The following DLGAP2 variants were observed in gnomAD, a reference collection of about 807,000 sequenced individuals.
The protein encoded by DLGAP2 is disks large-associated protein 2.
In DLGAP2, 26 loss-of-function variants were observed where a neutral mutation model predicts 100.3. The observed-to-expected ratio is 0.26, with a 90% CI of 0.19 to 0.36. The LOEUF is 0.36. Among genes scored for constraint, DLGAP2 ranks in the 10% least tolerant of loss-of-function variants. The pLI is 1.00. For missense variants in DLGAP2, 1,858 were observed against 1,453.2 expected (o/e 1.28, Z -4.53); for synonymous variants, 886 against 630.1 (o/e 1.41, Z -6.08).
chr8:1,381,676 T>C (rs1796097608), intron 3 of DLGAP2, among the ~76,000 whole-genome samples: 1 of 152,176 alleles, frequency 6.6e-6, no homozygotes, highest in Non-Finnish European at 1.5e-5. Context: ...ACTCAGTGTT[T>C]GCCTTTCTGT....
At chr8:897,936 C>T (rs1050576278) in intron 1 of DLGAP2, among the ~76,000 whole-genome samples, 3 of 152,110 alleles carry the variant, frequency 2.0e-5, no homozygotes, top group South Asian at 2.1e-4. Flanking sequence ...GTGTTCCCTC[C>T]GTTGCTGTCT....
At chr8:1,475,747 G>C (rs898742504) in intron 3 of DLGAP2, among the ~76,000 whole-genome samples, 3 of 152,142 alleles carry the variant, frequency 2.0e-5, no homozygotes, top group African/African-American at 7.2e-5. Context: ...CTCAACAAAA[G>C]GCTTGTCAGA....
rs563508822 is a variant in DLGAP2 at position 913,119 on chromosome 8, A to T, written c.73+5153A>T. Among the ~76,000 whole-genome samples the T allele has an allele frequency of 2.0e-5, 3 of 152,302 alleles. No homozygotes were observed. The East Asian group carries it at 5.8e-4, about 29-fold the overall frequency. The stretch of plus-strand genomic sequence containing the variant: ...TGTGATTTATATTTGGATGTTGAGT[A>T]TATTTGTATTACAAGGTAGGATTTT... On this transcript the variant is annotated intron_variant, in intron 2 of 14. Coordinates refer to ENST00000637795, the MANE Select transcript of DLGAP2 (RefSeq NM_001346810.2).
intron 2 of DLGAP2, among the ~76,000 whole-genome samples, chr8:971,301 C>T (rs1355868006): frequency 2.0e-5 from 3 of 152,152 alleles, no homozygotes; most frequent in Non-Finnish European, 2.9e-5. Context: ...TCTGCTCTGA[C>T]ACATAAGGGC....
At chr8:1,352,550 A>G (rs953750865) in intron 3 of DLGAP2, among the ~76,000 whole-genome samples, 2 of 152,174 alleles carry the variant, frequency 1.3e-5, no homozygotes, top group South Asian at 2.1e-4. Flanking sequence ...AGTGTTTATT[A>G]TAATATCATT....
intron 3 of DLGAP2, among the ~76,000 whole-genome samples, chr8:1,270,700 G>A (rs569662197): frequency 1.4e-5 from 1 of 70,704 alleles, no homozygotes; most frequent in African/African-American, 3.9e-5. Context: ...CTCTGTGTGT[G>A]TCTCTGTGTG....
chr8:1,667,942 C>G (rs1447288269), intron 8 of DLGAP2, among the ~76,000 whole-genome samples: 1 of 151,910 alleles, frequency 6.6e-6, no homozygotes, highest in East Asian at 1.9e-4. Context: ...CTAGGTGTGT[C>G]TCCGCTGCTG....
chr8:1,156,726 C>T (rs866207426), intron 2 of DLGAP2, among the ~76,000 whole-genome samples: 10 of 152,082 alleles, frequency 6.6e-5, no homozygotes, highest in African/African-American at 1.9e-4. Flanking sequence ...CGGCTCAGCA[C>T]CCCAACTCAG....
chr8:1,012,490 C>G, intron 2 of DLGAP2, among the ~76,000 whole-genome samples: 1 of 150,476 alleles, frequency 6.6e-6, no homozygotes. Flanking sequence ...ACCGTCTGAC[C>G]AGCCCCCCAC....
intron 1 of DLGAP2, chr8:822,275 T>C: frequency 2.5e-6 from 1 of 399,440 alleles, no homozygotes; most frequent in Non-Finnish European, 4.4e-6. Flanking sequence ...CCTGCTGTGA[T>C]GGGTGCTCCA....
At chr8:889,083 A>G (rs750520316) in intron 1 of DLGAP2, among the ~76,000 whole-genome samples, 1 of 152,176 alleles carries the variant, frequency 6.6e-6, no homozygotes, top group Non-Finnish European at 1.5e-5. Flanking sequence ...GGAGGTCACA[A>G]GGTGCTCAGT....
At position 863,325 on chromosome 8, in the gene DLGAP2, G is replaced by T. The variant is rs1030469780; in HGVS notation, c.19-44587G>T. On this transcript the variant is annotated intron_variant, in intron 1 of 14. Coordinates refer to ENST00000637795, the MANE Select transcript of DLGAP2 (RefSeq NM_001346810.2). ...TAAGTAAACCCTCAAGTCATTGATG[G>T]AGTGCTAGATTGCATCACACAACAA... Among the ~76,000 whole-genome samples, 26 of 152,178 alleles carry T rather than the reference G, an allele frequency of 1.7e-4. 1 individual carries two copies.
chr8:744,910 G>T (rs1425846682), intron 1 of DLGAP2, among the ~76,000 whole-genome samples: 2 of 152,188 alleles, frequency 1.3e-5, no homozygotes, highest in African/African-American at 4.8e-5. Context: ...CTTGGACTGG[G>T]TCCCGGCTTC....
intron 2 of DLGAP2, among the ~76,000 whole-genome samples, chr8:1,174,567 T>C (rs1205113906): frequency 1.3e-5 from 2 of 151,884 alleles, no homozygotes; most frequent in African/African-American, 2.4e-5. Context: ...ATTATTACCA[T>C]CACCACCACC....
chr8:1,234,806 C>A lies in DLGAP2; in HGVS notation c.74-24045C>A, dbSNP rs1798608417. ...GCAACTGGGGCCTTTCATGTGCCCT[C>A]AAGTGAGTGAGTTCACGGCGTCACG... On this transcript the variant is annotated intron_variant, in intron 2 of 14. Transcript: ENST00000637795. Among the ~76,000 whole-genome samples, 8 of 152,316 alleles carry A rather than the reference C, an allele frequency of 5.3e-5. No homozygotes were observed. In the South Asian group the frequency reaches 1.7e-3, roughly 32 times the overall value.
chr8:882,530 C>T (rs1797828928), intron 1 of DLGAP2, among the ~76,000 whole-genome samples: 1 of 80,670 alleles, frequency 1.2e-5, no homozygotes, highest in Non-Finnish European at 2.4e-5. Context: ...CGCGCACCCT[C>T]GCCTGATCCA....
At chr8:1,273,755 T>A (rs909739909) in intron 3 of DLGAP2, among the ~76,000 whole-genome samples, 2 of 152,242 alleles carry the variant, frequency 1.3e-5, no homozygotes, top group Admixed American at 1.3e-4. Flanking sequence ...CTGCTGCATG[T>A]TAAATTAAGA....
intron 2 of DLGAP2, among the ~76,000 whole-genome samples, chr8:1,146,770 C>T (rs913948002): frequency 2.0e-5 from 3 of 152,210 alleles, no homozygotes; most frequent in African/African-American, 4.8e-5. Context: ...AAGGACAAGC[C>T]GTCCCCACTG....
At chr8:962,613 G>A (rs1051270626) in intron 2 of DLGAP2, among the ~76,000 whole-genome samples, 3 of 152,164 alleles carry the variant, frequency 2.0e-5, no homozygotes, top group Admixed American at 2.0e-4. Context: ...CGCCCTCCGA[G>A]AGGGGAGTGG....
Sources: gnomAD v4.1 joint callset for allele counts (sites outside exome capture counted in the v4.1 genomes callset) on GRCh38, gnomAD v4.1.1 for gene constraint, MANE v1.5 for transcripts, NCBI Gene and HGNC (gene_info 2026-07-23, HGNC 2026-07-21) for gene names.